NASP: variants seen among roughly 807,000 people sequenced by gnomAD.
The protein encoded by NASP is NASP histone chaperone.
Under a neutral mutation model 89.5 loss-of-function variants are expected in NASP, and 24 were observed. The observed-to-expected ratio is 0.27, with a 90% confidence interval of 0.19 to 0.38. The LOEUF is 0.38. Ranked by LOEUF, NASP falls within the 10% of genes least tolerant of loss-of-function variation. NASP has a pLI of 1.00. For synonymous variants in NASP, 306 were observed against 324.7 expected, an observed-to-expected ratio of 0.94 and a Z score of 0.62; for missense variants, 848 against 921.4, an observed-to-expected ratio of 0.92 and a Z score of 1.03.
intron 5 of NASP, 104 bp downstream of exon 5, chr1:45,606,695 A>G (rs1643914111): frequency 1.4e-6 from 1 of 702,204 alleles, no homozygotes; most frequent in Non-Finnish European, 2.4e-6. Context: ...CTCTCCTAAG[A>G]TGCTTGGGGT....
chr1:45,600,978 A>G (rs922693441), intron 2 of NASP, among the ~76,000 whole-genome samples: 7 of 152,118 alleles, frequency 4.6e-5, no homozygotes, highest in Non-Finnish European at 1.0e-4. Context: ...CCATCTGTGT[A>G]TCTTTGATGA....
intron 6 of NASP, among the ~76,000 whole-genome samples, chr1:45,608,896 G>A (rs993249455): frequency 5.9e-5 from 9 of 152,178 alleles, no homozygotes; most frequent in South Asian, 2.1e-4. Flanking sequence ...GAATTCTGGT[G>A]CCCCTCTTTA....
At chr1:45,591,322 G>GCAAT (rs1171288804) in intron 2 of NASP, 52 bp downstream of exon 2, 11 of 1,145,614 alleles carry the variant, frequency 9.6e-6, no homozygotes. Flanking sequence ...TAAACTAAGA[G>GCAAT]CAATATAACT....
rs1450562054 is a variant in NASP at position 45,614,108 on chromosome 1, A to G, written c.1519A>G (p.Asn507Asp). The change falls in exon 8 of 15, where the codon AAT becomes GAT. Residue 507 changes from asparagine (N) to aspartate (D), a missense_variant. Around this residue, in one of 5 missense-constraint regions of NASP, gnomAD observed 464 missense variants for 469.4 expected, o/e 0.99. Transcript: ENST00000350030. ...SVLENKSLQE[N>D]EEEEIGNLEL... ...GGTTATACTTTAGTCTCTTCAAGAA[A>G]ATGAGGAGGAGGAGATTGGGAACCT... The G allele has an allele frequency of 6.2e-7, 1 of 1,601,644 alleles. No homozygotes were observed. Among genetic ancestry groups the G allele is most frequent in the Non-Finnish European group, 8.6e-7 (1 of 1,168,674 alleles).
At chr1:45,591,793 G>A (rs1478024286) in intron 2 of NASP, among the ~76,000 whole-genome samples, 1 of 152,054 alleles carries the variant, frequency 6.6e-6, no homozygotes, top group Non-Finnish European at 1.5e-5. Context: ...TACCCAAAAG[G>A]TAGATGGTAG....
intron 6 of NASP, chr1:45,610,784 TC>T (rs907902890): frequency 2.0e-5 from 3 of 152,316 alleles, no homozygotes; most frequent in Non-Finnish European, 4.4e-5. Flanking sequence ...TGGTGCGGTC[TC>T]GCTCACTGCA....
intron 13 of NASP, 176 bp from the exon 14 acceptor site, chr1:45,617,287 T>G: frequency 3.1e-6 from 2 of 646,472 alleles, no homozygotes; most frequent in Non-Finnish European, 5.2e-6. Flanking sequence ...GTGGGACAGA[T>G]TAATACATTC....
chr1:45,585,841 G>A (rs1644525927), intron 1 of NASP, among the ~76,000 whole-genome samples: 1 of 152,180 alleles, frequency 6.6e-6, no homozygotes, highest in African/African-American at 2.4e-5. Flanking sequence ...AGGTCTTAAT[G>A]TTGCCCAGGT....
In NASP at chr1:45,608,033, C is replaced by T; in HGVS notation, c.1122C>T (p.Leu374=). The T allele has an allele frequency of 6.2e-7, 1 of 1,613,996 alleles. No homozygotes were observed. The highest frequency in any genetic ancestry group is 8.5e-7 in the Non-Finnish European group (1 of 1,179,906). Reference sequence around the variant, plus strand: ...AGCCTGGGCAGGAGGCTCCAGTTCTCCCTAAGGATGGTGCAGTCAATGGAC... The same window carrying T: ...AGCCTGGGCAGGAGGCTCCAGTTCTTCCTAAGGATGGTGCAGTCAATGGAC... ...SEKPGQEAPV[L]PKDGAVNGPS... The change falls in exon 6 of 15, where the codon CTC becomes CTT. Residue 374 remains leucine, a synonymous_variant. Transcript: ENST00000350030.
chr1:45,594,147 G>A (rs1249158060), intron 2 of NASP, among the ~76,000 whole-genome samples: 2 of 142,454 alleles, frequency 1.4e-5, no homozygotes, highest in Admixed American at 7.4e-5. Flanking sequence ...CCAACATGGT[G>A]AAACCCCGTC....
chr1:45,607,748 A>G lies in NASP; in HGVS notation c.837A>G (p.Glu279=), dbSNP rs1224211523. 3.7e-6 allele frequency: 6 copies of G among 1,614,140 alleles called. No individual in the cohort carries two copies. In the South Asian group the frequency reaches 5.5e-5, roughly 15 times the overall value. ...AGGAGAAGCCAAAAGAAGTTTCAGAAGAGCAGCCTGTGGTGACTCTAGAAA... is the reference window on the plus strand; with the variant it reads ...AGGAGAAGCCAAAAGAAGTTTCAGAGGAGCAGCCTGTGGTGACTCTAGAAA... ...SIEEKPKEVS[E]EQPVVTLEKQ... is the part of the protein sequence containing the mutation. The change falls in exon 6 of 15, where the codon GAA becomes GAG. Residue 279 remains glutamate, a synonymous_variant. Transcript: ENST00000350030.
At chr1:45,591,409 C>T (rs1252634238) in intron 2 of NASP, 139 bp downstream of exon 2, 7 of 605,722 alleles carry the variant, frequency 1.2e-5, no homozygotes, top group Non-Finnish European at 1.9e-5. Context: ...GGCCGAAGTG[C>T]AGTGTGCAAT....
intron 13 of NASP, among the ~76,000 whole-genome samples, chr1:45,616,935 C>G (rs1052148889): frequency 6.6e-6 from 1 of 152,118 alleles, no homozygotes; most frequent in Admixed American, 6.6e-5. Flanking sequence ...ACCTCTGCCC[C>G]CCGGGTTCAA....
intron 6 of NASP, chr1:45,612,953 G>A (rs1239013145): frequency 4.2e-6 from 2 of 477,982 alleles, no homozygotes; most frequent in Admixed American, 4.6e-5. Context: ...ATTGCTGAAG[G>A]TCTGACCCAT....
intron 1 of NASP, among the ~76,000 whole-genome samples, chr1:45,586,296 T>TGTGTGTGTGTGTG (rs1206622795): frequency 3.2e-5 from 3 of 93,610 alleles, no homozygotes; most frequent in African/African-American, 1.4e-4. Flanking sequence ...TGTGTGTGTG[T>TGTGTGTGTGTGTG]GTGTGTGTGT....
Position 45,615,261 on chromosome 1 carries a change from A to G in NASP, c.1856-44A>G, listed in dbSNP as rs767972230. The G allele has an allele frequency of 3.7e-6, 6 of 1,611,630 alleles. No individual in the cohort carries two copies. In the Admixed American group the frequency reaches 8.4e-5, roughly 22 times the overall value. Reference sequence around the variant, plus strand: ...GATCCAGCAATTAACAAGGAAGAAAACAGTTCTTTTTTGAGCCATTACTAA... The same window carrying G: ...GATCCAGCAATTAACAAGGAAGAAAGCAGTTCTTTTTTGAGCCATTACTAA... On this transcript the variant is annotated intron_variant, in intron 10 of 14. Coordinates refer to ENST00000350030, the MANE Select transcript of NASP (RefSeq NM_002482.4).
chr1:45,587,116 T>C (rs1264518952), intron 1 of NASP, among the ~76,000 whole-genome samples: 1 of 152,210 alleles, frequency 6.6e-6, no homozygotes, highest in Non-Finnish European at 1.5e-5. Flanking sequence ...GCAGTATTGT[T>C]TAAGGTGATG....
At chr1:45,593,997 C>G (rs1308264424) in intron 2 of NASP, among the ~76,000 whole-genome samples, 1 of 151,204 alleles carries the variant, frequency 6.6e-6, no homozygotes, top group Non-Finnish European at 1.5e-5. Context: ...CCACTGCACT[C>G]TAGTCTGGGT....
intron 3 of NASP, among the ~76,000 whole-genome samples, chr1:45,604,255 A>T (rs767463265): frequency 6.6e-6 from 1 of 152,182 alleles, no homozygotes; most frequent in Non-Finnish European, 1.5e-5. Flanking sequence ...ATAGAGAAGT[A>T]CTTTCTCCTT....
Sources: allele counts gnomAD v4.1 joint callset (sites outside exome capture counted in the v4.1 genomes callset), GRCh38; gene constraint gnomAD v4.1.1; regional missense constraint gnomAD v4.1.1; transcripts MANE v1.5; gene names NCBI Gene and HGNC (gene_info 2026-07-23, HGNC 2026-07-21).